PLXDC2: variants seen among roughly 807,000 people sequenced by gnomAD.
The protein encoded by PLXDC2 is plexin domain containing 2, also known as plexin domain-containing protein 2.
Under a neutral mutation model 68.9 loss-of-function variants are expected in PLXDC2, and 40 were observed. The observed-to-expected ratio is 0.58, with a 90% CI of 0.45 to 0.76. The LOEUF is 0.76. PLXDC2 is among the 30% of genes least tolerant of loss of function. PLXDC2 has a pLI of 0.00. For missense variants in PLXDC2, 644 were observed against 661.9 expected, an observed-to-expected ratio of 0.97 and a Z score of 0.30; for synonymous variants, 243 against 234.2, an observed-to-expected ratio of 1.04 and a Z score of -0.34.
chr10:19,817,035 C>G lies in PLXDC2; in HGVS notation c.-45C>G. 1 of 1,469,262 alleles carries G rather than the reference C, an allele frequency of 6.8e-7. No homozygotes were observed. The highest frequency in any genetic ancestry group is 9.3e-7 in the Non-Finnish European group (1 of 1,080,238). The allele number at this position is 1,469,262 out of a possible 1,614,324, so 91.0% of individuals were successfully genotyped here. A position where few individuals can be genotyped will look rare whatever the true frequency, so the allele number is the denominator to read the frequency against. ...CTATTGCATCGGGAGCCCCCGAGCA[C>G]CGGCGAAGGACTGGCGGGTGGGGTA... On this transcript the variant is annotated 5_prime_UTR_variant, in exon 1 of 14. Transcript: ENST00000377252.
chr10:20,036,422 C>T (rs1360553293), intron 2 of PLXDC2, among the ~76,000 whole-genome samples: 6 of 152,122 alleles, frequency 3.9e-5, no homozygotes, highest in Non-Finnish European at 1.5e-5. Context: ...TCTTGGACTT[C>T]CAGCCTCCAG....
At chr10:19,973,342 A>ATATGTATACATATATATGTGTATG (rs1834393591) in intron 1 of PLXDC2, among the ~76,000 whole-genome samples, 1 of 148,656 alleles carries the variant, frequency 6.7e-6, no homozygotes. Flanking sequence ...ATATGTGTAT[A>ATATGTATACATATATATGTGTATG]TATGTATACT....
intron 2 of PLXDC2, among the ~76,000 whole-genome samples, chr10:20,032,621 TA>T (rs750806498): frequency 5.9e-5 from 9 of 152,052 alleles, no homozygotes; most frequent in Non-Finnish European, 7.4e-5. Context: ...TTTGAGATCC[TA>T]AAAATTTTGA....
chr10:20,028,655 C>G (rs2131665199), intron 2 of PLXDC2, among the ~76,000 whole-genome samples: 1 of 152,294 alleles, frequency 6.6e-6, no homozygotes, highest in Non-Finnish European at 1.5e-5. Context: ...GTGCTCCTCT[C>G]CCTCTCAAAT....
At chr10:19,897,210 T>G (rs1043582709) in intron 1 of PLXDC2, among the ~76,000 whole-genome samples, 3 of 151,732 alleles carry the variant, frequency 2.0e-5, no homozygotes, top group Non-Finnish European at 4.4e-5. Flanking sequence ...TCCATGTCTC[T>G]TCCATGATTC....
At chr10:19,928,085 G>A (rs756457551) in intron 1 of PLXDC2, among the ~76,000 whole-genome samples, 3 of 152,088 alleles carry the variant, frequency 2.0e-5, no homozygotes, top group Non-Finnish European at 2.9e-5. Flanking sequence ...TAGAACAATG[G>A]CCTCCAGTTC....
chr10:20,072,734 G>T (rs1292647204), intron 4 of PLXDC2, among the ~76,000 whole-genome samples: 2 of 152,158 alleles, frequency 1.3e-5, no homozygotes, highest in East Asian at 3.9e-4. Context: ...TAGGATGGGT[G>T]CAGTGGGAAA....
At chr10:19,928,881 A>C (rs1448587260) in intron 1 of PLXDC2, among the ~76,000 whole-genome samples, 1 of 151,172 alleles carries the variant, frequency 6.6e-6, no homozygotes, top group Non-Finnish European at 1.5e-5. Flanking sequence ...CAGCCTCCCA[A>C]ATAGCTTGGA....
chr10:19,832,023 A>G (rs1437564583), intron 1 of PLXDC2, among the ~76,000 whole-genome samples: 3 of 152,232 alleles, frequency 2.0e-5, no homozygotes, highest in East Asian at 1.9e-4. Flanking sequence ...ATCTGCACCC[A>G]GAAATAAGAG....
intron 2 of PLXDC2, among the ~76,000 whole-genome samples, chr10:20,021,391 A>G (rs1051246130): frequency 2.0e-5 from 3 of 152,138 alleles, no homozygotes; most frequent in Non-Finnish European, 4.4e-5. Flanking sequence ...CCCCGCATGC[A>G]TTAGGATTTG....
intron 13 of PLXDC2, among the ~76,000 whole-genome samples, chr10:20,268,536 G>T (rs1017346324): frequency 2.0e-5 from 3 of 152,152 alleles, no homozygotes; most frequent in Non-Finnish European, 2.9e-5. Context: ...TCATTCTCTT[G>T]TGTTGTTTCT....
chr10:19,969,801 T>G (rs1457499850), intron 1 of PLXDC2, among the ~76,000 whole-genome samples: 2 of 152,192 alleles, frequency 1.3e-5, no homozygotes, highest in Admixed American at 6.5e-5. Flanking sequence ...TTGAGACAGG[T>G]CATAAAACAG....
chr10:20,126,328 T>TATGTGTTATATA (rs1564324867), intron 4 of PLXDC2, among the ~76,000 whole-genome samples: 9 of 144,906 alleles, frequency 6.2e-5, no homozygotes, highest in Non-Finnish European at 1.1e-4. Flanking sequence ...AATATATACA[T>TATGTGTTATATA]ATACGTTATA....
intron 1 of PLXDC2, among the ~76,000 whole-genome samples, chr10:19,898,840 T>C (rs1419854973): frequency 6.6e-6 from 1 of 152,170 alleles, no homozygotes; most frequent in Non-Finnish European, 1.5e-5. Context: ...GTGAATTAAA[T>C]AAATATTTAC....
chr10:19,858,870 T>G (rs1564611587), intron 1 of PLXDC2, among the ~76,000 whole-genome samples: 2 of 152,152 alleles, frequency 1.3e-5, no homozygotes, highest in African/African-American at 4.8e-5. Flanking sequence ...GCTGGGTAAT[T>G]TATACAGAAA....
chr10:20,047,528 C>T (rs765499604), intron 3 of PLXDC2, among the ~76,000 whole-genome samples: 2 of 152,048 alleles, frequency 1.3e-5, no homozygotes, highest in South Asian at 4.1e-4. Flanking sequence ...ATATAGAAAG[C>T]ATCAGACTGA....
intron 13 of PLXDC2, among the ~76,000 whole-genome samples, chr10:20,245,871 G>T (rs1179244030): frequency 6.6e-6 from 1 of 152,136 alleles, no homozygotes; most frequent in Non-Finnish European, 1.5e-5. Flanking sequence ...CTTAGCTTAA[G>T]TTAATTGCTC....
chr10:19,910,591 CT>C (rs1006322581), intron 1 of PLXDC2, among the ~76,000 whole-genome samples: 4,922 of 92,548 alleles, frequency 0.053, 41 homozygotes, highest in Middle Eastern at 0.088. Context: ...TAAGTGGTTG[CT>C]TTTTTTTTTT....
chr10:20,243,383 T>G (rs1835543390), intron 12 of PLXDC2, among the ~76,000 whole-genome samples: 1 of 152,218 alleles, frequency 6.6e-6, no homozygotes, highest in Non-Finnish European at 1.5e-5. Context: ...TGAACTATTA[T>G]ATAATGAATT....
Sources: gnomAD v4.1 joint callset for allele counts (sites outside exome capture counted in the v4.1 genomes callset) on GRCh38, gnomAD v4.1.1 for gene constraint, MANE v1.5 for transcripts, NCBI Gene and HGNC (gene_info 2026-07-23, HGNC 2026-07-21) for gene names.